ACAP3: variants seen among roughly 807,000 people sequenced by gnomAD.
ACAP3 encodes the protein arf-GAP with coiled-coil, ANK repeat and PH domain-containing protein 3.
ACAP3 carries 56 observed loss-of-function variants against 104.1 expected under a neutral mutation model. The observed-to-expected ratio is 0.54, with a 90% CI of 0.43 to 0.67. ACAP3 has a LOEUF of 0.67. Ranked by LOEUF, ACAP3 falls within the 30% of genes least tolerant of loss-of-function variation. The probability of loss-of-function intolerance (pLI) is 0.00; values close to 1 mark genes in which losing one functional copy is unlikely to be tolerated. For synonymous variants in ACAP3, 628 were observed against 496.2 expected (o/e 1.27, Z -3.53); for missense variants, 1,208 against 1,174.9 (o/e 1.03, Z -0.41).
intron 14 of ACAP3, 102 bp from the exon 15 acceptor site, chr1:1,296,735 C>A (rs556064566): frequency 2.3e-6 from 3 of 1,283,524 alleles, no homozygotes; most frequent in African/African-American, 2.9e-5. Context: ...CAGGCCAGGG[C>A]CCCTCGAGCA....
rs1410039538 is a variant in ACAP3, at chr1:1,296,445, A to G, written c.1317T>C (p.Ile439=). 7 of 1,546,258 alleles carry G rather than the reference A, an allele frequency of 4.5e-6. No homozygotes were observed. The highest frequency in any genetic ancestry group is 4.1e-5 in the African/African-American group (3 of 72,902). The change falls in exon 15 of 24, where the codon ATT becomes ATC. Residue 439 remains isoleucine, a synonymous_variant. Coordinates refer to ENST00000354700, the MANE Select transcript of ACAP3 (RefSeq NM_030649.3). ...ASINLGVLLC[I]ECSGIHRSLG... is the part of the protein sequence containing the mutation. ...CCCACCTGTGGATGCCGGAGCACTC[A>G]ATGCAGAGCAGCACGCCCAGGTTGA... is the stretch of plus-strand genomic sequence containing the variant.
rs1434252544 is a variant in ACAP3 at position 1,296,290 on chromosome 1, A to G, written c.1338-10T>C. 1 of 1,554,566 alleles carries G rather than the reference A, an allele frequency of 6.4e-7. No individual in the cohort carries two copies. Among genetic ancestry groups the G allele is most frequent in the Non-Finnish European group, 8.7e-7 (1 of 1,149,338 alleles). On this transcript the variant is annotated splice_polypyrimidine_tract_variant and intron_variant, in intron 15 of 23. Coordinates refer to ENST00000354700, the MANE Select transcript of ACAP3 (RefSeq NM_030649.3). ...GTGGACACCCAGGCTCCTGGAGAGCAGAGGTAGGGATGAGTCTGGGGGAGG... is the reference window on the plus strand; with the variant it reads ...GTGGACACCCAGGCTCCTGGAGAGCGGAGGTAGGGATGAGTCTGGGGGAGG...
intron 18 of ACAP3, 47 bp from the exon 19 acceptor site, chr1:1,295,601 G>A: frequency 6.3e-7 from 1 of 1,593,820 alleles, no homozygotes; most frequent in Non-Finnish European, 8.6e-7. Context: ...CCCGGGGTGG[G>A]GCAGGGAACC....
At position 1,294,582 on chromosome 1, in the gene ACAP3, A is replaced by T. The variant is rs770134377; in HGVS notation, c.1959T>A (p.Thr653=). 1 of 1,513,024 alleles carries T rather than the reference A, an allele frequency of 6.6e-7. No individual in the cohort carries two copies. The highest frequency in any genetic ancestry group is 8.8e-7 in the Non-Finnish European group (1 of 1,137,914). The allele number at this position is 1,513,024 out of a possible 1,614,324, so 93.7% of individuals were successfully genotyped here. The change falls in exon 21 of 24, where the codon ACT becomes ACA. Residue 653 remains threonine, a synonymous_variant. Transcript: ENST00000354700. ...EESSGEADGD[T]EAEAWGLADV... is the part of the protein sequence containing the mutation. ...CCGCCAGGCCCCAGGCCTCGGCCTC[A>T]GTGTCCCCGTCTGCCTCACCGCTGG...
intron 10 of ACAP3, 33 bp downstream of exon 10, chr1:1,299,312 C>T: frequency 6.3e-7 from 1 of 1,594,472 alleles, no homozygotes; most frequent in Non-Finnish European, 8.5e-7. Context: ...TCTCCCCCGA[C>T]CCACAGCCCG....
rs183578089 is a variant in ACAP3, at chr1:1,307,487, G to T, written c.47+282C>A. 2.9e-5 allele frequency: 37 copies of T among 1,263,626 alleles called. No homozygotes were observed. The Admixed American group carries it at 8.7e-4, about 30-fold the overall frequency. 78.3% of individuals were successfully genotyped at this position (1,263,626 alleles called of 1,614,324 possible). ...GGGCCCGGGAGGGGCTCAGCCCAGT[G>T]GAGGTGCAGACACAGAGCGGGGGCG... On this transcript the variant is annotated intron_variant, in intron 1 of 23. Transcript: ENST00000354700.
At chr1:1,300,419 G>A in intron 6 of ACAP3, 90 bp downstream of exon 6, 1 of 1,404,854 alleles carries the variant, frequency 7.1e-7, no homozygotes, top group Non-Finnish European at 9.7e-7. Flanking sequence ...CGTCACTCCT[G>A]CTCAAAATCC....
rs989999025 is a variant in ACAP3 at position 1,294,481 on chromosome 1, G to A, written c.2060C>T (p.Ala687Val). ...RARDLPALAA[A>V]LAHGAEVNWA... ...GTTGACCTCGGCCCCGTGGGCCAGC[G>A]CCGCCGCCAGCGCAGGAAGGTCGCG... The change falls in exon 21 of 24, where the codon GCG becomes GTG. Residue 687 changes from alanine to valine, a missense_variant. Transcript: ENST00000354700. The A allele has an allele frequency of 1.9e-6, 3 of 1,547,032 alleles. No homozygotes were observed. Among genetic ancestry groups the A allele is most frequent in the Non-Finnish European group, 2.6e-6 (3 of 1,153,232 alleles).
Position 1,303,966 on chromosome 1 carries a change from C to T in ACAP3, c.105+120G>A, listed in dbSNP as rs1297101649. The stretch of plus-strand genomic sequence containing the variant: ...GACACAGGGACCAGGACCTGGAGCA[C>T]CACACGCATGCTCCACATATGGGGG... On this transcript the variant is annotated intron_variant, in intron 2 of 23. Transcript: ENST00000354700. The surrounding 1 kb of genome is among the most constrained non-coding windows in gnomAD (Gnocchi z 4.0). The T allele has an allele frequency of 2.5e-6, 3 of 1,221,902 alleles. No homozygotes were observed. Among genetic ancestry groups the T allele is most frequent in the Admixed American group, 4.2e-5 (2 of 47,714 alleles). The allele number at this position is 1,221,902 out of a possible 1,614,324, so 75.7% of individuals were successfully genotyped here.
chr1:1,301,523 C>T (rs1444736102), intron 5 of ACAP3: 1 of 149,716 alleles, frequency 6.7e-6, no homozygotes, highest in Non-Finnish European at 1.5e-5. Context: ...GCCTCCCAAA[C>T]GCTGGGATTA....
At position 1,294,493 on chromosome 1, in the gene ACAP3, G is replaced by A. The variant is rs776871542; in HGVS notation, c.2048C>T (p.Ala683Val). ...CCCGTGGGCCAGCGCCGCCGCCAGC[G>A]CAGGAAGGTCGCGGGCACGCGCTGC... ...HRAARARDLP[A>V]LAAALAHGAE... is the part of the protein sequence containing the mutation. Residue 683 changes from alanine (A) to valine (V), a missense_variant, in exon 21 of 24, where the codon GCG becomes GTG. Physicochemically the swap from Ala to Val is moderately conservative, Grantham distance 64. Coordinates refer to ENST00000354700, the MANE Select transcript of ACAP3 (RefSeq NM_030649.3). The A allele has an allele frequency of 9.7e-6, 15 of 1,541,514 alleles. No individual in the cohort carries two copies. The highest frequency in any genetic ancestry group is 1.7e-4 in the Middle Eastern group (1 of 5,970).
intron 1 of ACAP3, chr1:1,307,010 G>C: frequency 2.1e-6 from 1 of 486,364 alleles, no homozygotes; most frequent in Non-Finnish European, 3.8e-6. Context: ...GAGGGGCAAA[G>C]TTCACAAGAG....
In ACAP3 at chr1:1,295,747, G is replaced by A; in HGVS notation, c.1694C>T (p.Ala565Val). Residue 565 changes from alanine (A) to valine (V), a missense_variant, in exon 18 of 24, where the codon GCT becomes GTT. By Grantham distance (64) the Ala-to-Val change is moderately conservative. Coordinates refer to ENST00000354700, the MANE Select transcript of ACAP3 (RefSeq NM_030649.3). ...RLEPVLPCVA[A>V]LSSVGTLDRK... is the part of the protein sequence containing the mutation. The stretch of plus-strand genomic sequence containing the variant: ...GCATGGCCTCCCACCTGAGGACAGA[G>A]CGGCCACACAGGGCAGAACGGGCTC... The A allele has an allele frequency of 1.2e-6, 2 of 1,603,276 alleles. No individual in the cohort carries two copies. Among genetic ancestry groups the A allele is most frequent in the South Asian group, 1.1e-5 (1 of 90,844 alleles).
Position 1,300,142 on chromosome 1 carries a change from G to A in ACAP3, c.567+16C>T, listed in dbSNP as rs945142512. 9.3e-6 allele frequency: 15 copies of A among 1,609,754 alleles called. No individual in the cohort carries two copies. The African/African-American group carries it at 1.7e-4, about 19-fold the overall frequency. The stretch of plus-strand genomic sequence containing the variant: ...AACATGCAGCCTGTGCTCAGGGGCA[G>A]CCCCCACGCACTCACAGAGTCCAGG... On this transcript the variant is annotated intron_variant, in intron 7 of 23. Transcript: ENST00000354700.
chr1:1,301,258 CTT>C (rs869238177), intron 5 of ACAP3, among the ~76,000 whole-genome samples: 22 of 105,412 alleles, frequency 2.1e-4, no homozygotes, highest in South Asian at 6.7e-4. Context: ...TTGGGGGTGT[CTT>C]TTTTTTTTTT....
Position 1,301,985 on chromosome 1 carries a change from C to T in ACAP3, c.338+3G>A. On this transcript the variant is annotated splice_donor_region_variant and intron_variant, in intron 5 of 23. Coordinates refer to ENST00000354700, the MANE Select transcript of ACAP3 (RefSeq NM_030649.3). Reference sequence around the variant, plus strand: ...TCTTCCCCCAGCCCTGGGGGCCACTCACTCTTTGACAAAGCTCTGGAGCTG... The same window carrying T: ...TCTTCCCCCAGCCCTGGGGGCCACTTACTCTTTGACAAAGCTCTGGAGCTG... 6.4e-7 allele frequency: 1 copy of T among 1,565,138 alleles called. No homozygotes were observed. The highest frequency in any genetic ancestry group is 1.2e-5 in the South Asian group (1 of 86,212).
At position 1,296,649 on chromosome 1, in the gene ACAP3, G is replaced by C. The variant is rs1641172955; in HGVS notation, c.1129-16C>G. The C allele has an allele frequency of 1.3e-6, 2 of 1,527,338 alleles. No homozygotes were observed. Among genetic ancestry groups the C allele is most frequent in the African/African-American group, 2.7e-5 (2 of 72,894 alleles). 94.6% of individuals were successfully genotyped at this position (1,527,338 alleles called of 1,614,324 possible). A position where few individuals can be genotyped will look rare whatever the true frequency, so the allele number is the denominator to read the frequency against. ...GGTCCAGCCTCTGGAGGATGGGGTGGAGCTGCTCGGTCCCGCAGGGGCTCC... is the reference window on the plus strand; with the variant it reads ...GGTCCAGCCTCTGGAGGATGGGGTGCAGCTGCTCGGTCCCGCAGGGGCTCC... On this transcript the variant is annotated splice_polypyrimidine_tract_variant and intron_variant, in intron 14 of 23. Coordinates refer to ENST00000354700, the MANE Select transcript of ACAP3 (RefSeq NM_030649.3).
rs563282769 is a variant in ACAP3 at position 1,297,740 on chromosome 1, T to C, written c.1128+82A>G. On this transcript the variant is annotated intron_variant, in intron 14 of 23. Transcript: ENST00000354700. Reference sequence around the variant, plus strand: ...GGCCATCCCCGGTGGCACGTGTGTGTGTGCACAGGCGCGGGGCAGGGGCCA... The same window carrying C: ...GGCCATCCCCGGTGGCACGTGTGTGCGTGCACAGGCGCGGGGCAGGGGCCA... The C allele has an allele frequency of 3.5e-3, 4,543 of 1,315,452 alleles. 210 individuals carry two copies. Among genetic ancestry groups the C allele is most frequent in the South Asian group, 6.8e-3 (516 of 75,438 alleles). 81.5% of individuals were successfully genotyped at this position (1,315,452 alleles called of 1,614,324 possible). A position where few individuals can be genotyped will look rare whatever the true frequency, so the allele number is the denominator to read the frequency against.
At position 1,296,065 on chromosome 1, in the gene ACAP3, C is replaced by T. The variant is rs1013311239; in HGVS notation, c.1452G>A (p.Glu484=). 2.5e-6 allele frequency: 4 copies of T among 1,612,688 alleles called. No individual in the cohort carries two copies. The African/African-American group carries it at 4.0e-5, about 16-fold the overall frequency. The change falls in exon 17 of 24, where the codon GAG becomes GAA. Residue 484 remains glutamate, a synonymous_variant. Transcript: ENST00000354700. ...TGCTGCCTGCACCCTCACACTGGGCCTCATAGATCTGATTCACAGCGCTGT... is the reference window on the plus strand; with the variant it reads ...TGCTGCCTGCACCCTCACACTGGGCTTCATAGATCTGATTCACAGCGCTGT... ...LGNSAVNQIY[E]AQCEGAGSRK... is the part of the protein sequence containing the mutation.
Sources: gnomAD v4.1 joint callset for allele counts (sites outside exome capture counted in the v4.1 genomes callset) on GRCh38, gnomAD v4.1.1 for gene constraint, Gnocchi (gnomAD v3.1) non-coding constraint, MANE v1.5 for transcripts, NCBI Gene and HGNC (gene_info 2026-07-23, HGNC 2026-07-21) for gene names.